ADGRL4: variants seen among roughly 807,000 people sequenced by gnomAD.
The protein encoded by ADGRL4 is adhesion G protein-coupled receptor L4.
A neutral mutation model predicts 74.8 loss-of-function variants in ADGRL4; 90 were observed. The observed-to-expected ratio is 1.20, with a 90% CI of 1.02 to 1.43. ADGRL4 has a LOEUF of 1.43. ADGRL4 is among the 40% of genes most tolerant of loss of function. The pLI is 0.00. For missense variants in ADGRL4, 881 were observed against 814.3 expected (o/e 1.08, Z -1.00); for synonymous variants, 311 against 279.2 (o/e 1.11, Z -1.14).
intron 2 of ADGRL4, among the ~76,000 whole-genome samples, chr1:78,978,242 T>C (rs1196376260): frequency 6.6e-6 from 1 of 151,982 alleles, no homozygotes; most frequent in Non-Finnish European, 1.5e-5. Context: ...CCTATTGTCA[T>C]GTCCCAGATT....
chr1:78,893,151 A>G lies in ADGRL4; in HGVS notation c.1788T>C (p.Val596=). ...LLAFGVIIYK[V]FRHTAGLKPE... ...GTTTCAACCCTGCAGTGTGACGAAA[A>G]ACTTTGTATATGATGACTCCAAAAG... is the stretch of plus-strand genomic sequence containing the variant. The change falls in exon 13 of 15, where the codon GTT becomes GTC. Residue 596 remains valine, a synonymous_variant. Transcript: ENST00000370742. 6.2e-7 allele frequency: 1 copy of G among 1,605,662 alleles called. No homozygotes were observed. The highest frequency in any genetic ancestry group is 2.3e-5 in the East Asian group (1 of 44,424).
intron 8 of ADGRL4, among the ~76,000 whole-genome samples, chr1:78,925,176 T>C (rs1649085906): frequency 6.6e-6 from 1 of 152,024 alleles, no homozygotes; most frequent in South Asian, 2.1e-4. Context: ...TCATAGCTTC[T>C]GAGAGCATGG....
chr1:78,941,335 C>T (rs1456320027), intron 3 of ADGRL4, among the ~76,000 whole-genome samples: 2 of 152,066 alleles, frequency 1.3e-5, no homozygotes, highest in Non-Finnish European at 2.9e-5. Flanking sequence ...AAAGATGAGT[C>T]TTTTTTAGAG....
chr1:78,999,805 T>TATC (rs1650801546), intron 2 of ADGRL4, among the ~76,000 whole-genome samples: 2 of 145,414 alleles, frequency 1.4e-5, no homozygotes, highest in East Asian at 2.1e-4. Flanking sequence ...TCTATCTATC[T>TATC]ATCTATCTAT....
At chr1:78,982,050 T>C (rs981255836) in intron 2 of ADGRL4, among the ~76,000 whole-genome samples, 1 of 151,890 alleles carries the variant, frequency 6.6e-6, no homozygotes, top group Non-Finnish European at 1.5e-5. Context: ...CTTTGAACCT[T>C]ACACAAATTT....
intron 2 of ADGRL4, among the ~76,000 whole-genome samples, chr1:78,985,670 G>T (rs1000757021): frequency 6.6e-6 from 1 of 151,638 alleles, no homozygotes; most frequent in Non-Finnish European, 1.5e-5. Context: ...AAAAGATAGG[G>T]GTAGGAAAGC....
chr1:78,960,453 C>T (rs189023061), intron 2 of ADGRL4, among the ~76,000 whole-genome samples: 3 of 152,072 alleles, frequency 2.0e-5, no homozygotes, highest in Non-Finnish European at 2.9e-5. Context: ...ATAATTATAG[C>T]CCCGACACTC....
intron 7 of ADGRL4, 121 bp downstream of exon 7, chr1:78,936,174 A>C: frequency 1.0e-6 from 1 of 975,408 alleles, no homozygotes; most frequent in Non-Finnish European, 1.5e-6. Context: ...TATACTGTAC[A>C]TACATCAAAT....
intron 2 of ADGRL4, among the ~76,000 whole-genome samples, chr1:78,949,173 G>A (rs577090631): frequency 6.6e-6 from 1 of 151,996 alleles, no homozygotes; most frequent in Admixed American, 6.6e-5. Flanking sequence ...AACACATGAG[G>A]TCTGAGGTAT....
intron 12 of ADGRL4, among the ~76,000 whole-genome samples, chr1:78,905,078 T>A (rs1432608109): frequency 6.6e-6 from 1 of 152,070 alleles, no homozygotes; most frequent in Non-Finnish European, 1.5e-5. Context: ...TATTTGTCTG[T>A]CTTTATTTTT....
chr1:78,999,671 G>C (rs1422127269), intron 2 of ADGRL4, among the ~76,000 whole-genome samples: 2 of 152,176 alleles, frequency 1.3e-5, no homozygotes, highest in Admixed American at 1.3e-4. Context: ...TGATGGTACA[G>C]TCACCGTGTT....
intron 12 of ADGRL4, among the ~76,000 whole-genome samples, chr1:78,907,036 C>T (rs1041541784): frequency 1.3e-5 from 2 of 151,884 alleles, no homozygotes; most frequent in African/African-American, 4.8e-5. Flanking sequence ...GGAAAGAACC[C>T]ATTGTTTGTA....
At chr1:78,941,475 T>C (rs1192256353) in intron 3 of ADGRL4, among the ~76,000 whole-genome samples, 2 of 152,310 alleles carry the variant, frequency 1.3e-5, no homozygotes, top group East Asian at 3.9e-4. Context: ...AACTACTATG[T>C]TCTTTGAATA....
In ADGRL4 at chr1:78,927,003, A is replaced by C; in HGVS notation, c.966T>G (p.Tyr322Ter). 6.2e-7 allele frequency: 1 copy of C among 1,611,618 alleles called. No homozygotes were observed. Among genetic ancestry groups the C allele is most frequent in the Non-Finnish European group, 8.5e-7 (1 of 1,178,384 alleles). ...SDNFLLKPQN[Y>*]DNSEEEERVI... ...CTCTTTCCTCCTCTTCAGAATTATC[A>C]TAATTTTGAGGTTTCAATAAGAAGT... Residue 322 changes from tyrosine to a stop codon, truncating the protein, a stop_gained, in exon 8 of 15, where the codon TAT becomes TAG. Transcript: ENST00000370742. LOFTEE classifies it high-confidence loss of function.
chr1:78,956,611 G>T (rs1372223149), intron 2 of ADGRL4, among the ~76,000 whole-genome samples: 1 of 152,044 alleles, frequency 6.6e-6, no homozygotes, highest in Non-Finnish European at 1.5e-5. Context: ...AATCTATTAT[G>T]CAAAACCAGG....
At chr1:78,992,063 C>G (rs138689489) in intron 2 of ADGRL4, among the ~76,000 whole-genome samples, 154 of 152,108 alleles carry the variant, frequency 1.0e-3, no homozygotes, top group African/African-American at 3.5e-3. Context: ...ACTGGGTTTT[C>G]TCCCTGATAG....
chr1:78,986,248 A>G (rs1019550070), intron 2 of ADGRL4, among the ~76,000 whole-genome samples: 3 of 151,658 alleles, frequency 2.0e-5, no homozygotes, highest in African/African-American at 7.3e-5. Context: ...TTGAAAAAAA[A>G]TGTGATTCAT....
intron 3 of ADGRL4, among the ~76,000 whole-genome samples, chr1:78,945,177 A>AAAT (rs376405445): frequency 0.077 from 9,795 of 127,554 alleles, 503 homozygotes; most frequent in Non-Finnish European, 0.11. Flanking sequence ...AAAAAAAAAA[A>AAAT]ATATATATAT....
rs1395338892 is a variant in ADGRL4 at position 78,936,077 on chromosome 1, T to C, written c.877+218A>G. 1.4e-4 allele frequency among the ~76,000 whole-genome samples: 3 copies of C among 20,918 alleles called. 1 individual carries two copies. The highest frequency in any genetic ancestry group is 2.5e-4 in the African/African-American group (2 of 8,090). 13.7% of individuals were successfully genotyped at this position (20,918 alleles called of 152,430 possible). The stretch of plus-strand genomic sequence containing the variant: ...AGGCGGAGCTTGCAGTGAGCCGAGA[T>C]TGCGCCACTGCACTCCCGCCTGGGC... On this transcript the variant is annotated intron_variant, in intron 7 of 14. Transcript: ENST00000370742.
Sources: allele counts gnomAD v4.1 joint callset (sites outside exome capture counted in the v4.1 genomes callset), GRCh38; gene constraint gnomAD v4.1.1; transcripts MANE v1.5; gene names NCBI Gene and HGNC (gene_info 2026-07-23, HGNC 2026-07-21).